UTY: variants seen among roughly 807,000 people sequenced by gnomAD.
The protein encoded by UTY is histone demethylase UTY.
In UTY, 12 loss-of-function variants were observed where a neutral mutation model predicts 32.5. The observed-to-expected ratio is 0.37, with a 90% confidence interval of 0.24 to 0.60. The LOEUF is 0.60. Among genes scored for constraint, UTY ranks in the 20% least tolerant of loss-of-function variants. The pLI is 0.69. For synonymous variants in UTY, 131 were observed against 103.4 expected (o/e 1.27, Z -1.62); for missense variants, 303 against 299.2 (o/e 1.01, Z -0.09).
intron 17 of UTY, among the ~76,000 whole-genome samples, chrY:13,347,051 G>A: frequency 3.0e-5 from 1 of 33,765 alleles, no homozygotes. Flanking sequence ...AATGAAGAAG[G>A]AATTAATGAA....
At chrY:13,342,207 G>C in intron 17 of UTY, among the ~76,000 whole-genome samples, 1 of 33,288 alleles carries the variant, frequency 3.0e-5, no homozygotes, top group Non-Finnish European at 7.4e-5. Context: ...CGGGACACCA[G>C]TGCGAATCGG....
At chrY:13,442,396 T>C in intron 4 of UTY, among the ~76,000 whole-genome samples, 1 of 32,741 alleles carries the variant, frequency 3.1e-5, no homozygotes, top group Non-Finnish European at 7.5e-5. Flanking sequence ...ATACTTCCAT[T>C]AGGCAGCTGT....
At chrY:13,327,282 ATACAT>A (rs2060316292) in intron 18 of UTY, among the ~76,000 whole-genome samples, 1 of 33,812 alleles carries the variant, frequency 3.0e-5, no homozygotes, top group African/African-American at 1.1e-4. Context: ...AAAGTAAAAA[ATACAT>A]TACATCAGTA....
chrY:13,386,801 T>A, intron 8 of UTY, among the ~76,000 whole-genome samples: 2 of 32,701 alleles, frequency 6.1e-5, no homozygotes, highest in African/African-American at 2.4e-4. Context: ...CTGACCAACA[T>A]GGCAAAACCC....
intron 10 of UTY, among the ~76,000 whole-genome samples, chrY:13,364,342 A>T (rs1017462769): frequency 2.4e-4 from 8 of 32,760 alleles, no homozygotes; most frequent in African/African-American, 7.2e-4. Context: ...TCAAGAGTTA[A>T]GAAAAATTGA....
intron 18 of UTY, among the ~76,000 whole-genome samples, chrY:13,327,735 G>T (rs2060349721): frequency 6.0e-5 from 2 of 33,346 alleles, no homozygotes; most frequent in Admixed American, 5.5e-4. Context: ...CTTAAATACG[G>T]AACTGAACCT....
intron 28 of UTY, among the ~76,000 whole-genome samples, chrY:13,242,696 A>C: frequency 3.0e-5 from 1 of 33,826 alleles, no homozygotes; most frequent in Non-Finnish European, 7.4e-5. Context: ...ACATCATACT[A>C]CCTGACATAA....
At chrY:13,388,255 CAT>C (rs2067130177) in intron 8 of UTY, among the ~76,000 whole-genome samples, 1 of 34,277 alleles carries the variant, frequency 2.9e-5, no homozygotes, top group Non-Finnish European at 7.3e-5. Flanking sequence ...AGAAAACTAA[CAT>C]AGATGTTACT....
intron 4 of UTY, among the ~76,000 whole-genome samples, chrY:13,425,812 C>T (rs982468566): frequency 3.0e-5 from 1 of 33,867 alleles, no homozygotes; most frequent in Non-Finnish European, 7.3e-5. Context: ...CTGGTGGTCA[C>T]TATGAGTCTT....
intron 8 of UTY, among the ~76,000 whole-genome samples, chrY:13,391,394 G>C: frequency 3.0e-5 from 1 of 32,900 alleles, no homozygotes; most frequent in Non-Finnish European, 7.5e-5. Context: ...TTTAAAATTA[G>C]TTCCTCCGTA....
At chrY:13,375,831 G>A in intron 8 of UTY, among the ~76,000 whole-genome samples, 5 of 33,484 alleles carry the variant, frequency 1.5e-4, no homozygotes, top group African/African-American at 2.3e-4. Context: ...TTTGGAAAAC[G>A]TGCAGAAGGA....
chrY:13,452,002 C>T, intron 3 of UTY, among the ~76,000 whole-genome samples: 1 of 33,582 alleles, frequency 3.0e-5, no homozygotes, highest in Non-Finnish European at 7.4e-5. Context: ...TAGCAAAAAG[C>T]CTAACTCAGT....
At chrY:13,288,350 T>A in intron 27 of UTY, among the ~76,000 whole-genome samples, 3 of 26,460 alleles carry the variant, frequency 1.1e-4, no homozygotes, top group Non-Finnish European at 1.7e-4. Context: ...CAGAAAAAGA[T>A]CCATTCAGTA....
chrY:13,391,099 C>A, intron 8 of UTY, among the ~76,000 whole-genome samples: 1 of 32,680 alleles, frequency 3.1e-5, no homozygotes, highest in African/African-American at 1.2e-4. Flanking sequence ...CATATGAAAG[C>A]ACACTACCCA....
chrY:13,352,133 CCTT>C (rs2062440658), intron 17 of UTY, among the ~76,000 whole-genome samples: 1 of 32,965 alleles, frequency 3.0e-5, no homozygotes, highest in Non-Finnish European at 7.4e-5. Context: ...GCCATCCAGT[CCTT>C]CTATTTTTTT....
chrY:13,453,598 T>TA (rs2076492412), intron 3 of UTY, among the ~76,000 whole-genome samples: 1 of 33,713 alleles, frequency 3.0e-5, no homozygotes, highest in Non-Finnish European at 7.4e-5. Flanking sequence ...GTAGCTCAAC[T>TA]AAAAAAATAC....
chrY:13,456,605 A>G, intron 3 of UTY, among the ~76,000 whole-genome samples: 1 of 33,410 alleles, frequency 3.0e-5, no homozygotes, highest in South Asian at 6.5e-4. Flanking sequence ...CCCCACCTGG[A>G]CGACAGAGCA....
chrY:13,364,147 AC>A (rs2063821571), intron 10 of UTY, among the ~76,000 whole-genome samples: 6 of 31,862 alleles, frequency 1.9e-4, no homozygotes, highest in Admixed American at 8.7e-4. Context: ...AAAAAAAAAA[AC>A]ATTGTACACA....
At chrY:13,260,026 A>G (rs773808502) in intron 28 of UTY, among the ~76,000 whole-genome samples, 1 of 33,738 alleles carries the variant, frequency 3.0e-5, no homozygotes, top group Admixed American at 2.7e-4. Context: ...TTAAAGTGAG[A>G]TGATTATCAT....
Sources: gnomAD v4.1 joint callset for allele counts (sites outside exome capture counted in the v4.1 genomes callset) on GRCh38, gnomAD v4.1.1 for gene constraint, MANE v1.5 for transcripts, NCBI Gene and HGNC (gene_info 2026-07-23, HGNC 2026-07-21) for gene names.